Variants in RTN1 observed in about 807,000 individuals in gnomAD.
The protein encoded by RTN1 is reticulon 1.
In RTN1, 25 loss-of-function variants were observed where a neutral mutation model predicts 65.5. The observed-to-expected ratio is 0.38, with a 90% CI of 0.28 to 0.53. The LOEUF is 0.53. Among genes scored for constraint, RTN1 ranks in the 20% least tolerant of loss-of-function variants. RTN1 has a pLI of 0.79. For synonymous variants in RTN1, 471 were observed against 447.6 expected (o/e 1.05, Z -0.66); for missense variants, 983 against 1,025.4 (o/e 0.96, Z 0.57).
chr14:59,722,710 A>G (rs1359574472), intron 3 of RTN1, among the ~76,000 whole-genome samples: 1 of 152,060 alleles, frequency 6.6e-6, no homozygotes, highest in Non-Finnish European at 1.5e-5. Flanking sequence ...TTGAAGAACA[A>G]GAACAACAAT....
At chr14:59,642,011 T>C (rs1032864776) in intron 3 of RTN1, among the ~76,000 whole-genome samples, 2 of 152,202 alleles carry the variant, frequency 1.3e-5, no homozygotes, top group Non-Finnish European at 2.9e-5. Flanking sequence ...AAGAATTTTC[T>C]TTACCATTCC....
At position 59,744,805 on chromosome 14, in the gene RTN1, C is replaced by T. The variant is rs550755245; in HGVS notation, c.1015+903G>A. Among the ~76,000 whole-genome samples, 30 of 152,196 alleles carry T rather than the reference C, an allele frequency of 2.0e-4. No homozygotes were observed. In the East Asian group the frequency reaches 4.3e-3, roughly 22 times the overall value. On this transcript the variant is annotated intron_variant, in intron 2 of 8. Coordinates refer to ENST00000267484, the MANE Select transcript of RTN1 (RefSeq NM_021136.3). The stretch of plus-strand genomic sequence containing the variant: ...CTAGGGACAGGAATGTTAAATGCCC[C>T]GGCCAAGGTGCTTCAGGCAGTCTAC...
chr14:59,692,282 C>A (rs774236291), intron 3 of RTN1, among the ~76,000 whole-genome samples: 29 of 152,020 alleles, frequency 1.9e-4, no homozygotes, highest in Non-Finnish European at 4.0e-4. Flanking sequence ...TTCTATACAT[C>A]AATAACATTC....
Position 59,766,513 on chromosome 14 carries a change from G to A in RTN1, c.242-20032C>T, listed in dbSNP as rs1885853763. On this transcript the variant is annotated intron_variant, in intron 1 of 8. Coordinates refer to ENST00000267484, the MANE Select transcript of RTN1 (RefSeq NM_021136.3). This position sits in a 1 kb window ranked among gnomAD's most constrained non-coding sequence, Gnocchi z 4.4. ...CTCTTATATCTGGGGAAGAAACTAG[G>A]GGTTCAAATAGAGCTATCCAGTTAC... Among the ~76,000 whole-genome samples, 1 of 152,096 alleles carries A rather than the reference G, an allele frequency of 6.6e-6. No homozygotes were observed. The highest frequency in any genetic ancestry group is 2.4e-5 in the African/African-American group (1 of 41,420).
rs1455207296 is a variant in RTN1 at position 59,743,248 on chromosome 14, AATGG to A, written c.1015+2456_1015+2459del. ...CCCAATTGGGCCATGGCTACTTAAA[AATGG>A]AAATTCCCTAAAAATTAATGGACCC... On this transcript the variant is annotated intron_variant, in intron 2 of 8. Coordinates refer to ENST00000267484, the MANE Select transcript of RTN1 (RefSeq NM_021136.3). Among the ~76,000 whole-genome samples the A allele has an allele frequency of 3.5e-3, 527 of 152,252 alleles. 5 individuals are homozygous for A. Among genetic ancestry groups the A allele is most frequent in the African/African-American group, 0.01 (436 of 41,538 alleles).
chr14:59,779,413 G>A (rs1886112227), intron 1 of RTN1, among the ~76,000 whole-genome samples: 1 of 152,048 alleles, frequency 6.6e-6, no homozygotes, highest in Non-Finnish European at 1.5e-5. Flanking sequence ...AAATGAAAGT[G>A]AGAAACCTCA....
At chr14:59,767,753 T>C (rs1023272779) in intron 1 of RTN1, among the ~76,000 whole-genome samples, 2 of 152,210 alleles carry the variant, frequency 1.3e-5, no homozygotes, top group Non-Finnish European at 2.9e-5. Flanking sequence ...TTCCCTATGG[T>C]GCTTTCCTTT....
At chr14:59,602,781 G>T (rs762310219) in intron 8 of RTN1, among the ~76,000 whole-genome samples, 1 of 151,986 alleles carries the variant, frequency 6.6e-6, no homozygotes, top group Non-Finnish European at 1.5e-5. Flanking sequence ...AATGCATCTT[G>T]TTCTTGTACA....
At chr14:59,629,050 AT>A (rs1882475512) in intron 3 of RTN1, among the ~76,000 whole-genome samples, 1 of 152,234 alleles carries the variant, frequency 6.6e-6, no homozygotes, top group African/African-American at 2.4e-5. Flanking sequence ...CAAGAATAAA[AT>A]GTTACAAAAT....
Position 59,775,510 on chromosome 14 carries a change from C to T in RTN1, c.242-29029G>A, listed in dbSNP as rs936886764. ...GGTGGTGATAGTTAATACTTATAAA[C>T]TGCGTACCCTGTGTCATACACCGTC... is the stretch of plus-strand genomic sequence containing the variant. On this transcript the variant is annotated intron_variant, in intron 1 of 8. Coordinates refer to ENST00000267484, the MANE Select transcript of RTN1 (RefSeq NM_021136.3). 2.1e-4 allele frequency among the ~76,000 whole-genome samples: 32 copies of T among 152,220 alleles called. 1 individual carries two copies. The highest frequency in any genetic ancestry group is 5.8e-4 in the African/African-American group (24 of 41,546).
chr14:59,805,604 T>C (rs76489581), intron 1 of RTN1, among the ~76,000 whole-genome samples: 1,857 of 152,324 alleles, frequency 0.012, 35 homozygotes, highest in African/African-American at 0.041. Flanking sequence ...CAAATCTTTT[T>C]CTGAAAGGCT....
At chr14:59,819,406 C>CACA (rs1366420559) in intron 1 of RTN1, among the ~76,000 whole-genome samples, 2 of 17,612 alleles carry the variant, frequency 1.1e-4, no homozygotes, top group South Asian at 2.6e-3. Flanking sequence ...TGCATCCACA[C>CACA]CACCACCACC....
At chr14:59,812,349 T>G (rs1337781220) in intron 1 of RTN1, among the ~76,000 whole-genome samples, 1 of 152,192 alleles carries the variant, frequency 6.6e-6, no homozygotes, top group East Asian at 1.9e-4. Flanking sequence ...CAGAAGCAGT[T>G]TTCCATGTGT....
chr14:59,732,570 G>A (rs376462973), intron 2 of RTN1, among the ~76,000 whole-genome samples: 3 of 152,108 alleles, frequency 2.0e-5, no homozygotes, highest in South Asian at 2.1e-4. Flanking sequence ...GGAAAACCAC[G>A]CTTCTTCCAT....
chr14:59,749,907 G>A (rs1442399855), intron 1 of RTN1, among the ~76,000 whole-genome samples: 5 of 100,302 alleles, frequency 5.0e-5, no homozygotes, highest in Non-Finnish European at 9.2e-5. Flanking sequence ...ATTCCTCCTG[G>A]GAATCAACCT....
intron 1 of RTN1, among the ~76,000 whole-genome samples, chr14:59,861,435 C>T (rs1197459502): frequency 2.0e-5 from 3 of 152,134 alleles, no homozygotes; most frequent in East Asian, 1.9e-4. Flanking sequence ...TGCCCAGTCT[C>T]GGGTATCTCT....
intron 2 of RTN1, among the ~76,000 whole-genome samples, chr14:59,733,987 G>A (rs1447674884): frequency 1.3e-5 from 2 of 152,190 alleles, no homozygotes; most frequent in Admixed American, 1.3e-4. Flanking sequence ...ATTTGGGCTG[G>A]CAAAAGGTCA....
intron 3 of RTN1, chr14:59,610,050 G>C: frequency 1.3e-6 from 1 of 744,198 alleles, no homozygotes; most frequent in Admixed American, 1.9e-5. Flanking sequence ...AGCCTGAAAG[G>C]AGTTTTCAGA....
intron 1 of RTN1, among the ~76,000 whole-genome samples, chr14:59,854,095 G>C (rs925431905): frequency 6.6e-6 from 1 of 151,796 alleles, no homozygotes; most frequent in African/African-American, 2.4e-5. Context: ...CCTGACCTCA[G>C]GTGATCCGCC....
Sources: gnomAD v4.1 joint callset for allele counts (sites outside exome capture counted in the v4.1 genomes callset) on GRCh38, gnomAD v4.1.1 for gene constraint, Gnocchi (gnomAD v3.1) non-coding constraint, MANE v1.5 for transcripts, NCBI Gene and HGNC (gene_info 2026-07-23, HGNC 2026-07-21) for gene names.